Variants in LYST observed in about 807,000 individuals in gnomAD.
LYST encodes the protein lysosomal-trafficking regulator.
In LYST, 192 loss-of-function variants were observed where a neutral mutation model predicts 413.6. The ratio of observed to expected loss-of-function variants is 0.46; its 90% CI spans 0.41 to 0.52. LYST has a LOEUF of 0.52. LYST is among the 20% of genes least tolerant of loss of function. LYST has a pLI of 0.00. For missense variants in LYST, 3,815 were observed against 4,499.9 expected (o/e 0.85, Z 4.35); for synonymous variants, 1,525 against 1,567.3 (o/e 0.97, Z 0.64).
Position 235,691,183 on chromosome 1 carries a change from G to A in LYST, c.10701+2167C>T, listed in dbSNP as rs188670943. On this transcript the variant is annotated intron_variant, in intron 47 of 52. Coordinates refer to ENST00000389793, the MANE Select transcript of LYST (RefSeq NM_000081.4). The stretch of plus-strand genomic sequence containing the variant: ...TCCGCCCGCCTCGGCCTCCCAAAGC[G>A]CTGGGATAACAGGCTTGAGCCACCG... Among the ~76,000 whole-genome samples the A allele has an allele frequency of 5.0e-3, 757 of 152,248 alleles. 8 individuals are homozygous for A. The highest frequency in any genetic ancestry group is 5.0e-3 in the Non-Finnish European group (341 of 68,008).
intron 45 of LYST, among the ~76,000 whole-genome samples, chr1:235,702,044 G>T (rs955599273): frequency 6.6e-6 from 1 of 150,780 alleles, no homozygotes; most frequent in Non-Finnish European, 1.5e-5. Context: ...CATCTTTAAG[G>T]TCCTTTACAA....
At position 235,686,223 on chromosome 1, in the gene LYST, C is replaced by T. The variant is rs996447398; in HGVS notation, c.10800+726G>A. On this transcript the variant is annotated intron_variant, in intron 48 of 52. Coordinates refer to ENST00000389793, the MANE Select transcript of LYST (RefSeq NM_000081.4). This position sits in a 1 kb window ranked among gnomAD's most constrained non-coding sequence, Gnocchi z 4.0. ...CTCTACTAAAACTACAAAACTTGGC[C>T]GGGCGTGGTGGCACATGCCTGTGGT... is the stretch of plus-strand genomic sequence containing the variant. 1.3e-5 allele frequency among the ~76,000 whole-genome samples: 2 copies of T among 152,040 alleles called. No individual in the cohort carries two copies. Among genetic ancestry groups the T allele is most frequent in the Non-Finnish European group, 2.9e-5 (2 of 67,996 alleles).
chr1:235,879,296 A>G (rs1340821727), intron 1 of LYST, among the ~76,000 whole-genome samples: 1 of 152,234 alleles, frequency 6.6e-6, no homozygotes, highest in East Asian at 1.9e-4. Context: ...TATGGGTGTG[A>G]ATTCTGACCA....
rs12073386 is a variant in LYST, at chr1:235,768,033, G to A, written c.5923-1756C>T. On this transcript the variant is annotated intron_variant, in intron 20 of 52. Transcript: ENST00000389793. ...TTCTGGTTTCACATCCTGAAAATGG[G>A]TATCTCCTGAGGTGTAAACCTCAGT... 7.7e-3 allele frequency among the ~76,000 whole-genome samples: 1,164 copies of A among 152,028 alleles called. 15 individuals are homozygous for A. The highest frequency in any genetic ancestry group is 0.027 in the African/African-American group (1,108 of 41,468).
At chr1:235,713,831 A>G (rs552082513) in intron 42 of LYST, among the ~76,000 whole-genome samples, 86 of 152,356 alleles carry the variant, frequency 5.6e-4, no homozygotes, top group African/African-American at 2.0e-3. Flanking sequence ...AAGTGAATGG[A>G]GACTGAGGTA....
chr1:235,729,791 C>T (rs757231255), intron 36 of LYST, 134 bp from the exon 37 acceptor site: 162 of 675,340 alleles, frequency 2.4e-4, no homozygotes, highest in Non-Finnish European at 3.7e-4. Context: ...GGTATCTTGT[C>T]GAAACCCACA....
rs1477078317 is a variant in LYST at position 235,773,147 on chromosome 1, G to A, written c.5784+695C>T. ...GCCTGAGCAACATGTGTGAAACCCT[G>A]TCTACACCCAAAATACTAAAACTTA... On this transcript the variant is annotated intron_variant, in intron 19 of 52. Transcript: ENST00000389793. Among the ~76,000 whole-genome samples, 3 of 151,902 alleles carry A rather than the reference G, an allele frequency of 2.0e-5. No homozygotes were observed. The South Asian group carries it at 6.2e-4, about 32-fold the overall frequency.
chr1:235,867,059 C>T (rs1028197799), upstream of LYST: 32 of 152,502 alleles, frequency 2.1e-4, no homozygotes, highest in African/African-American at 7.5e-4. Flanking sequence ...GCCCCGCCTC[C>T]TCTGGGAGGG....
chr1:235,665,171 T>G (rs191254377), intron 50 of LYST, among the ~76,000 whole-genome samples: 1 of 152,294 alleles, frequency 6.6e-6, no homozygotes, highest in East Asian at 1.9e-4. Flanking sequence ...GCAATCTATG[T>G]GTACAGTAAC....
chr1:235,845,617 G>A (rs1677743679), intron 1 of LYST, among the ~76,000 whole-genome samples: 1 of 144,816 alleles, frequency 6.9e-6, no homozygotes. Flanking sequence ...CTAGCCCTCA[G>A]CCTGGAAACA....
In LYST at chr1:235,781,100, C is replaced by A. The variant is rs182899751; in HGVS notation, c.5024-45G>T. 5 of 1,178,470 alleles carry A rather than the reference C, an allele frequency of 4.2e-6. No individual in the cohort carries two copies. In the Admixed American group the frequency reaches 9.1e-5, roughly 22 times the overall value. 73.0% of individuals were successfully genotyped at this position (1,178,470 alleles called of 1,614,324 possible). ...AGTTAGTTATTTAAAACACCCTAAC[C>A]AGAATTTTTCATAAAAAGCAAGAAA... On this transcript the variant is annotated intron_variant, in intron 15 of 52. Transcript: ENST00000389793.
intron 14 of LYST, 58 bp downstream of exon 14, chr1:235,787,142 T>G (rs1670509203): frequency 7.7e-7 from 1 of 1,293,554 alleles, no homozygotes; most frequent in Non-Finnish European, 1.1e-6. Flanking sequence ...TATAATTGAC[T>G]AATGAAACAT....
At chr1:235,823,582 C>T (rs1675012445) in intron 3 of LYST, among the ~76,000 whole-genome samples, 2 of 152,218 alleles carry the variant, frequency 1.3e-5, no homozygotes. Flanking sequence ...CATGTCATGG[C>T]CTCTGCCCTT....
At chr1:235,881,722 A>G (rs1326213055) in intron 1 of LYST, among the ~76,000 whole-genome samples, 1 of 152,234 alleles carries the variant, frequency 6.6e-6, no homozygotes, top group East Asian at 1.9e-4. Flanking sequence ...CACATGCTAC[A>G]ACATGGATGA....
rs200838035 is a variant in LYST at position 235,813,669 on chromosome 1, T to TA, written c.193-609dup. Among the ~76,000 whole-genome samples, 1,259 of 152,136 alleles carry TA rather than the reference T, an allele frequency of 8.3e-3. 9 individuals carry two copies. The highest frequency in any genetic ancestry group is 0.02 in the Middle Eastern group (6 of 294). On this transcript the variant is annotated intron_variant, in intron 3 of 52. Coordinates refer to ENST00000389793, the MANE Select transcript of LYST (RefSeq NM_000081.4). ...ATTTGGTCCATAAAATACATACACA[T>TA]AAACAGTTAAAGAACAGCAGAAGGC...
intron 1 of LYST, among the ~76,000 whole-genome samples, chr1:235,866,339 C>T (rs1400436078): frequency 6.6e-6 from 1 of 151,304 alleles, no homozygotes; most frequent in East Asian, 2.0e-4. Context: ...GACAGGTGGG[C>T]GAGCGCCGCA....
intron 48 of LYST, among the ~76,000 whole-genome samples, chr1:235,681,384 C>T (rs1423473825): frequency 6.6e-6 from 1 of 152,062 alleles, no homozygotes. Context: ...GGTCAGAGCA[C>T]GGGGCCTGGT....
At chr1:235,879,775 C>T (rs1285447680) in intron 1 of LYST, among the ~76,000 whole-genome samples, 2 of 150,786 alleles carry the variant, frequency 1.3e-5, no homozygotes, top group African/African-American at 4.9e-5. Context: ...CTCGCTCTGT[C>T]GCCCAGGCTG....
intron 21 of LYST, among the ~76,000 whole-genome samples, chr1:235,763,216 C>T (rs949135760): frequency 6.6e-6 from 1 of 151,870 alleles, no homozygotes; most frequent in African/African-American, 2.4e-5. Context: ...TTTATATATC[C>T]CCTTCAGTGT....
Sources: allele counts gnomAD v4.1 joint callset (sites outside exome capture counted in the v4.1 genomes callset), GRCh38; gene constraint gnomAD v4.1.1; non-coding constraint Gnocchi (gnomAD v3.1); transcripts MANE v1.5; gene names NCBI Gene and HGNC (gene_info 2026-07-23, HGNC 2026-07-21).